TBC1D15: variants seen among roughly 807,000 people sequenced by gnomAD.
TBC1D15 encodes the protein TBC1 domain family member 15.
TBC1D15 carries 39 observed loss-of-function variants against 95.4 expected under a neutral mutation model. The ratio of observed to expected loss-of-function variants is 0.41; its 90% confidence interval spans 0.32 to 0.53. The LOEUF is 0.53. TBC1D15 is among the 20% of genes least tolerant of loss of function. TBC1D15 has a pLI of 0.29. For missense variants in TBC1D15, 733 were observed against 794.3 expected, an observed-to-expected ratio of 0.92 and a Z score of 0.93; for synonymous variants, 258 against 261.3, an observed-to-expected ratio of 0.99 and a Z score of 0.12.
intron 5 of TBC1D15, among the ~76,000 whole-genome samples, chr12:71,886,954 G>A (rs1479460060): frequency 6.6e-6 from 1 of 152,128 alleles, no homozygotes; most frequent in Non-Finnish European, 1.5e-5. Flanking sequence ...TATCTAGGAT[G>A]AGGGAGGTGG....
At chr12:71,863,642 T>G (rs1436938266) in intron 1 of TBC1D15, among the ~76,000 whole-genome samples, 1 of 152,176 alleles carries the variant, frequency 6.6e-6, no homozygotes, top group Non-Finnish European at 1.5e-5. Context: ...TTCTTGTCTC[T>G]CATCACTTTG....
intron 10 of TBC1D15, among the ~76,000 whole-genome samples, chr12:71,901,491 G>T (rs1349102307): frequency 6.6e-6 from 1 of 152,090 alleles, no homozygotes; most frequent in African/African-American, 2.4e-5. Flanking sequence ...TATGGGGCTG[G>T]AATTCATGGG....
chr12:71,921,178 C>G (rs7969902), intron 15 of TBC1D15, among the ~76,000 whole-genome samples, 190 bp from the exon 16 acceptor site: 4,187 of 152,050 alleles, frequency 0.028, 197 homozygotes, highest in African/African-American at 0.094. Flanking sequence ...ATTAGCTAGT[C>G]TTTAGCTTTA....
chr12:71,861,477 T>TGGAGTATGGTA, intron 1 of TBC1D15: 1 of 1,538,280 alleles, frequency 6.5e-7, no homozygotes, highest in Non-Finnish European at 8.7e-7. Context: ...TCCAGTTTGT[T>TGGAGTATGGTA]GGAGTATGGT....
chr12:71,840,988 C>G (rs1230662591), intron 1 of TBC1D15: 1 of 152,078 alleles, frequency 6.6e-6, no homozygotes, highest in Non-Finnish European at 1.5e-5. Flanking sequence ...TTTAAAAAAA[C>G]ATAAAATTAC....
chr12:71,853,203 G>T (rs1311218559), intron 1 of TBC1D15, among the ~76,000 whole-genome samples: 1 of 152,168 alleles, frequency 6.6e-6, no homozygotes, highest in Non-Finnish European at 1.5e-5. Context: ...CATAGAGCAG[G>T]AGGAATAGAG....
intron 1 of TBC1D15, among the ~76,000 whole-genome samples, chr12:71,857,065 GCTTT>G (rs1412135148): frequency 2.6e-5 from 4 of 151,314 alleles, no homozygotes; most frequent in South Asian, 4.2e-4. Flanking sequence ...AGCATTTGAA[GCTTT>G]CTTTTAAAAT....
chr12:71,877,507 C>A (rs867239808), intron 3 of TBC1D15, among the ~76,000 whole-genome samples: 2 of 86,304 alleles, frequency 2.3e-5, no homozygotes, highest in African/African-American at 1.5e-4. Flanking sequence ...TTCCTTCCTT[C>A]CTTCCTTCCT....
In TBC1D15 at chr12:71,839,786, C is replaced by G; in HGVS notation, c.5C>G (p.Ala2Gly). The G allele has an allele frequency of 6.2e-7, 1 of 1,614,078 alleles. No homozygotes were observed. Among genetic ancestry groups the G allele is most frequent in the Middle Eastern group, 1.6e-4 (1 of 6,062 alleles). The part of the protein sequence containing the change: M[A>G]AAGVVSGKII... ...TACCAGGCACGCGCAGGAAACATGG[C>G]GGCGGCGGGTGTTGTGAGCGGGAAG... is the stretch of plus-strand genomic sequence containing the variant. Residue 2 changes from alanine (A) to glycine (G), a missense_variant, in exon 1 of 17, where the codon GCG (alanine) becomes GGG (glycine). Coordinates refer to ENST00000485960, the MANE Select transcript of TBC1D15 (RefSeq NM_001146213.3).
chr12:71,891,079 CCTTT>C (rs144405053), intron 5 of TBC1D15, among the ~76,000 whole-genome samples: 4,750 of 152,164 alleles, frequency 0.031, 250 homozygotes, highest in African/African-American at 0.11. Flanking sequence ...TGTTATTGTA[CCTTT>C]CTATCTTTTA....
intron 1 of TBC1D15, among the ~76,000 whole-genome samples, chr12:71,852,888 T>G (rs190489172): frequency 1.1e-3 from 165 of 152,302 alleles, no homozygotes; most frequent in African/African-American, 3.7e-3. Flanking sequence ...TTCCCTCATC[T>G]TCCTATCTTC....
At position 71,845,906 on chromosome 12, in the gene TBC1D15, CATAAT is replaced by C. The variant is rs1473827643; in HGVS notation, c.30+6100_30+6104del. ...GGAAATAAATAAAAATTATAATAAT[CATAAT>C]ATAAGTAAAAATTCAGTATTAAGTG... On this transcript the variant is annotated intron_variant, in intron 1 of 16. Coordinates refer to ENST00000485960, the MANE Select transcript of TBC1D15 (RefSeq NM_001146213.3). 1.4e-4 allele frequency among the ~76,000 whole-genome samples: 21 copies of C among 152,138 alleles called. No homozygotes were observed. In the East Asian group the frequency reaches 3.9e-3, roughly 28 times the overall value.
chr12:71,921,413 T>C lies in TBC1D15; in HGVS notation c.1762T>C (p.Cys588Arg). The C allele has an allele frequency of 6.4e-7, 1 of 1,571,884 alleles. No homozygotes were observed. The highest frequency in any genetic ancestry group is 1.2e-5 in the South Asian group (1 of 83,770). ...GAAAATTGATGTGGAAGATATACTC[T>C]GCAAGGCAGAAGCAATTTCTCTACA... The part of the protein sequence containing the change: ...SMKIDVEDIL[C>R]KAEAISLQMV... The change falls in exon 16 of 17, where the codon TGC (cysteine) becomes CGC (arginine). Residue 588 changes from cysteine to arginine, a missense_variant. Coordinates refer to ENST00000485960, the MANE Select transcript of TBC1D15 (RefSeq NM_001146213.3).
At chr12:71,876,624 C>G (rs1893876579) in intron 3 of TBC1D15, among the ~76,000 whole-genome samples, 1 of 151,990 alleles carries the variant, frequency 6.6e-6, no homozygotes, top group African/African-American at 2.4e-5. Flanking sequence ...TGATTTATTC[C>G]TTGTTTTGGT....
rs564198279 is a variant in TBC1D15 at position 71,879,782 on chromosome 12, ATAAAT to A, written c.205-683_205-679del. Among the ~76,000 whole-genome samples the A allele has an allele frequency of 2.1e-3, 324 of 152,244 alleles. 1 individual carries two copies. Among genetic ancestry groups the A allele is most frequent in the Non-Finnish European group, 3.9e-3 (265 of 68,018 alleles). On this transcript the variant is annotated intron_variant, in intron 3 of 16. Coordinates refer to ENST00000485960, the MANE Select transcript of TBC1D15 (RefSeq NM_001146213.3). ...TGTTTTGATATTTGTCTATTTCTAA[ATAAAT>A]TAATAGGAGTTGTTTTGTAATCTGG...
intron 10 of TBC1D15, among the ~76,000 whole-genome samples, chr12:71,906,631 C>CT (rs79739174): frequency 0.01 from 1,449 of 142,092 alleles, 13 homozygotes; most frequent in Middle Eastern, 0.027. Context: ...TAGGTGGTAG[C>CT]TTTTTTTTTT....
chr12:71,906,893 TC>T, intron 10 of TBC1D15, 128 bp from the exon 11 acceptor site: 1 of 491,128 alleles, frequency 2.0e-6, no homozygotes, highest in Non-Finnish European at 3.5e-6. Context: ...ATGAATTTTT[TC>T]TTCATTAAGT....
At chr12:71,871,302 T>A (rs1226176922) in intron 1 of TBC1D15, among the ~76,000 whole-genome samples, 1 of 152,204 alleles carries the variant, frequency 6.6e-6, no homozygotes, top group Non-Finnish European at 1.5e-5. Context: ...ATTGTGAAAT[T>A]GAGTTAGTGA....
rs1359277650 is a variant in TBC1D15, at chr12:71,918,500, C to T, written c.1551C>T (p.Ile517=). The T allele has an allele frequency of 1.9e-6, 3 of 1,609,486 alleles. No individual in the cohort carries two copies. Among genetic ancestry groups the T allele is most frequent in the Non-Finnish European group, 2.5e-6 (3 of 1,178,376 alleles). ...YLYFCFRWLL[I]RFKREFSFLD... ...ATTTTTGCTTCAGGTGGCTTTTAAT[C>T]AGATTCAAAAGGGAATTTAGTTTTC... The change falls in exon 14 of 17, where the codon ATC becomes ATT. Residue 517 remains isoleucine (I), a synonymous_variant. Transcript: ENST00000485960.
Sources: gnomAD v4.1 joint callset for allele counts (sites outside exome capture counted in the v4.1 genomes callset) on GRCh38, gnomAD v4.1.1 for gene constraint, MANE v1.5 for transcripts, NCBI Gene and HGNC (gene_info 2026-07-23, HGNC 2026-07-21) for gene names.